Variants in AGBL4 observed in about 807,000 individuals in gnomAD.
The protein encoded by AGBL4 is cytosolic carboxypeptidase 6.
In AGBL4, 58 loss-of-function variants were observed where a neutral mutation model predicts 66.4. The ratio of observed to expected loss-of-function variants is 0.87; its 90% CI spans 0.71 to 1.09. The LOEUF is 1.09. Ranked by LOEUF, AGBL4 falls within the 50% of genes least tolerant of loss-of-function variation. AGBL4 has a pLI of 0.00. For missense variants in AGBL4, 579 were observed against 631.0 expected (o/e 0.92, Z 0.88); for synonymous variants, 234 against 222.9 (o/e 1.05, Z -0.44).
chr1:49,363,689 G>C (rs937691625), intron 3 of AGBL4, among the ~76,000 whole-genome samples: 7 of 152,170 alleles, frequency 4.6e-5, no homozygotes, highest in African/African-American at 1.7e-4. Flanking sequence ...TTGCTCAATA[G>C]TCTCACATAA....
At chr1:48,825,823 C>T (rs1646415975) in intron 6 of AGBL4, among the ~76,000 whole-genome samples, 1 of 152,100 alleles carries the variant, frequency 6.6e-6, no homozygotes, top group African/African-American at 2.4e-5. Flanking sequence ...TCTCTCAGTG[C>T]CCTGTTAATG....
chr1:48,686,390 G>A (rs76315250), intron 6 of AGBL4, among the ~76,000 whole-genome samples: 3,560 of 152,292 alleles, frequency 0.023, 148 homozygotes, highest in African/African-American at 0.08. Context: ...TTAGAGCAGT[G>A]CCTGGCACAT....
intron 3 of AGBL4, among the ~76,000 whole-genome samples, chr1:49,548,905 C>A (rs1423114124): frequency 6.6e-6 from 1 of 152,076 alleles, no homozygotes; most frequent in Non-Finnish European, 1.5e-5. Context: ...TCCGTCTGGT[C>A]TGGGACTTTT....
intron 6 of AGBL4, among the ~76,000 whole-genome samples, chr1:48,757,643 T>C (rs1016711830): frequency 2.6e-5 from 4 of 152,204 alleles, no homozygotes; most frequent in Non-Finnish European, 4.4e-5. Context: ...CACCCAAAGA[T>C]CTACTGAGCC....
chr1:49,561,612 C>T (rs939628358), intron 3 of AGBL4, among the ~76,000 whole-genome samples: 1 of 152,048 alleles, frequency 6.6e-6, no homozygotes, highest in African/African-American at 2.4e-5. Context: ...CCAGCTTCCT[C>T]CATGTCCCTA....
At chr1:49,220,936 A>G (rs1188611848) in intron 4 of AGBL4, among the ~76,000 whole-genome samples, 1 of 152,180 alleles carries the variant, frequency 6.6e-6, no homozygotes, top group Non-Finnish European at 1.5e-5. Flanking sequence ...CTTAATTATT[A>G]AGAATTCATG....
intron 3 of AGBL4, among the ~76,000 whole-genome samples, chr1:49,682,136 G>A (rs966024521): frequency 1.3e-5 from 2 of 152,148 alleles, no homozygotes; most frequent in Non-Finnish European, 2.9e-5. Flanking sequence ...GGTGGGGCAC[G>A]GTGGCTCATG....
intron 3 of AGBL4, among the ~76,000 whole-genome samples, chr1:49,398,528 C>T (rs1405798090): frequency 6.6e-6 from 1 of 152,084 alleles, no homozygotes; most frequent in Admixed American, 6.5e-5. Flanking sequence ...GCCCTCCATA[C>T]TCTTGTCACC....
At chr1:48,974,495 T>C (rs1397713615) in intron 5 of AGBL4, among the ~76,000 whole-genome samples, 1 of 152,144 alleles carries the variant, frequency 6.6e-6, no homozygotes, top group Non-Finnish European at 1.5e-5. Context: ...GGAGGAGATA[T>C]GAACACAGTG....
chr1:49,704,240 A>C (rs1647158810), intron 2 of AGBL4, among the ~76,000 whole-genome samples: 1 of 152,066 alleles, frequency 6.6e-6, no homozygotes, highest in Admixed American at 6.6e-5. Context: ...AACTGTTATA[A>C]ATTTAGTAAT....
chr1:48,937,828 C>T (rs972412601), intron 5 of AGBL4, among the ~76,000 whole-genome samples: 2 of 152,166 alleles, frequency 1.3e-5, no homozygotes, highest in Admixed American at 6.5e-5. Flanking sequence ...TAGGAAATCA[C>T]TGCTGTTACC....
intron 1 of AGBL4, among the ~76,000 whole-genome samples, chr1:49,919,967 T>A (rs1652027768): frequency 1.3e-5 from 2 of 152,088 alleles, no homozygotes; most frequent in African/African-American, 4.8e-5. Context: ...TTGACAAACC[T>A]GACAAAAACA....
At chr1:49,232,134 T>G (rs1318469392) in intron 4 of AGBL4, among the ~76,000 whole-genome samples, 1 of 152,048 alleles carries the variant, frequency 6.6e-6, no homozygotes, top group East Asian at 1.9e-4. Flanking sequence ...GTGATGAAAA[T>G]GTTCTAAAAT....
At chr1:49,399,762 G>A (rs1218547342) in intron 3 of AGBL4, among the ~76,000 whole-genome samples, 1 of 151,944 alleles carries the variant, frequency 6.6e-6, no homozygotes, top group Non-Finnish European at 1.5e-5. Flanking sequence ...TTGTCAGATG[G>A]GTAGTTGAAA....
intron 5 of AGBL4, among the ~76,000 whole-genome samples, chr1:49,009,486 C>G (rs995467508): frequency 6.6e-6 from 1 of 151,350 alleles, no homozygotes; most frequent in African/African-American, 2.4e-5. Context: ...TGAAACTATT[C>G]CAATCAATAG....
At chr1:49,740,385 C>T (rs1323139867) in intron 2 of AGBL4, among the ~76,000 whole-genome samples, 1 of 152,076 alleles carries the variant, frequency 6.6e-6, no homozygotes, top group Non-Finnish European at 1.5e-5. Context: ...TATAGGAGCA[C>T]CCAGATTCAT....
chr1:49,211,372 G>C lies in AGBL4; in HGVS notation c.377+34398C>G, dbSNP rs551477698. 2.6e-5 allele frequency among the ~76,000 whole-genome samples: 4 copies of C among 152,224 alleles called. No individual in the cohort carries two copies. In the South Asian group the frequency reaches 8.3e-4, roughly 32 times the overall value. On this transcript the variant is annotated intron_variant, in intron 4 of 13. Coordinates refer to ENST00000371839, the MANE Select transcript of AGBL4 (RefSeq NM_032785.4). ...AGTTTGCTTCCAACAAAAGGCATAA[G>C]AAATACAAAGAGTATGAGGAAAACA...
intron 3 of AGBL4, among the ~76,000 whole-genome samples, chr1:49,405,107 A>G (rs1202972202): frequency 2.0e-5 from 3 of 152,284 alleles, no homozygotes; most frequent in Non-Finnish European, 2.9e-5. Context: ...ACTTCAAATC[A>G]TCATTAGTAT....
chr1:49,580,985 A>T (rs941603288), intron 3 of AGBL4, among the ~76,000 whole-genome samples: 2 of 152,150 alleles, frequency 1.3e-5, no homozygotes, highest in Non-Finnish European at 2.9e-5. Flanking sequence ...CCTATCCAGA[A>T]TACTAATATT....
Sources: gnomAD v4.1 joint callset for allele counts (sites outside exome capture counted in the v4.1 genomes callset) on GRCh38, gnomAD v4.1.1 for gene constraint, MANE v1.5 for transcripts, NCBI Gene and HGNC (gene_info 2026-07-23, HGNC 2026-07-21) for gene names.